SIN3A: variants seen among roughly 807,000 people sequenced by gnomAD.
SIN3A encodes the protein paired amphipathic helix protein Sin3a.
Under a neutral mutation model 146.1 loss-of-function variants are expected in SIN3A, and 14 were observed. The ratio of observed to expected loss-of-function variants is 0.10; its 90% CI spans 0.06 to 0.15. SIN3A has a LOEUF of 0.15. Ranked by LOEUF, SIN3A falls within the 10% of genes least tolerant of loss-of-function variation. The pLI, the probability that SIN3A is intolerant of heterozygous loss-of-function variation, is 1.00. For missense variants in SIN3A, 1,028 were observed against 1,576.0 expected, an observed-to-expected ratio of 0.65 and a Z score of 5.89; for synonymous variants, 572 against 572.0, an observed-to-expected ratio of 1.00 and a Z score of 0.00.
intron 20 of SIN3A, among the ~76,000 whole-genome samples, chr15:75,374,166 T>C (rs2072810377): frequency 6.6e-6 from 1 of 152,160 alleles, no homozygotes; most frequent in Non-Finnish European, 1.5e-5. Flanking sequence ...ACCCCCACAT[T>C]TGATCCAACA....
intron 15 of SIN3A, among the ~76,000 whole-genome samples, chr15:75,390,388 C>T (rs1041750061): frequency 2.0e-5 from 3 of 152,194 alleles, no homozygotes; most frequent in East Asian, 3.8e-4. Flanking sequence ...AAAATGGATT[C>T]GCTACGTTGT....
chr15:75,383,603 A>T (rs2073021429), intron 17 of SIN3A, among the ~76,000 whole-genome samples: 1 of 149,846 alleles, frequency 6.7e-6, no homozygotes, highest in Admixed American at 6.7e-5. Flanking sequence ...ATCTCAGCTT[A>T]CTGCAAGCTC....
intron 1 of SIN3A, among the ~76,000 whole-genome samples, chr15:75,437,774 G>C (rs2074131938): frequency 1.3e-5 from 2 of 152,044 alleles, no homozygotes; most frequent in South Asian, 4.1e-4. Flanking sequence ...CAGAACTCTA[G>C]TCTAGGAAGA....
intron 17 of SIN3A, 42 bp from the exon 18 acceptor site, chr15:75,381,747 G>A: frequency 6.8e-7 from 1 of 1,477,090 alleles, no homozygotes; most frequent in South Asian, 1.1e-5. Context: ...GACCGTCTCT[G>A]TAGCTGTAAT....
chr15:75,433,129 A>G (rs1699263167), intron 1 of SIN3A, among the ~76,000 whole-genome samples: 1 of 152,194 alleles, frequency 6.6e-6, no homozygotes, highest in Admixed American at 6.5e-5. Flanking sequence ...ACACTAGAGT[A>G]CCTTTTAAGA....
upstream of SIN3A, among the ~76,000 whole-genome samples, chr15:75,454,125 T>TCA (rs1307830704): frequency 6.6e-6 from 1 of 151,312 alleles, no homozygotes; most frequent in Non-Finnish European, 1.5e-5. Context: ...ACCTTGCGCC[T>TCA]CACGTCATCC....
intron 1 of SIN3A, among the ~76,000 whole-genome samples, chr15:75,447,895 C>T (rs1286141514): frequency 2.0e-5 from 3 of 152,076 alleles, no homozygotes; most frequent in South Asian, 4.1e-4. Context: ...CACCCATGAC[C>T]GGGCACGGTG....
upstream of SIN3A, chr15:75,453,465 G>A (rs559313652): frequency 1.9e-4 from 29 of 152,522 alleles, 1 homozygote; most frequent in African/African-American, 6.7e-4. Context: ...TCCACCACTA[G>A]ACTGAGTACC....
rs780124259 is a variant in SIN3A at position 75,411,683 on chromosome 15, C to T, written c.817G>A (p.Ala273Thr). The T allele has an allele frequency of 1.2e-6, 2 of 1,613,596 alleles. No individual in the cohort carries two copies. The highest frequency in any genetic ancestry group is 1.1e-5 in the South Asian group (1 of 90,996). ...SQQTPPLPPY[A>T]SPRSPPVQPH... Reference sequence around the variant, plus strand: ...TGGACCGGCGGAGAACGTGGGGATGCATACGGTGGAAGTGGGGGAGTCTGC... The same window carrying T: ...TGGACCGGCGGAGAACGTGGGGATGTATACGGTGGAAGTGGGGGAGTCTGC... Residue 273 changes from alanine (A) to threonine (T), a missense_variant, in exon 6 of 21, where the codon GCA becomes ACA. Coordinates refer to ENST00000394947, the MANE Select transcript of SIN3A (RefSeq NM_001145358.2).
At chr15:75,400,292 GT>G in intron 11 of SIN3A, 136 bp from the exon 12 acceptor site, 1 of 590,324 alleles carries the variant, frequency 1.7e-6, no homozygotes, top group Non-Finnish European at 3.0e-6. Context: ...CCTTTAGCAA[GT>G]TTACAAAAAG....
At chr15:75,379,724 A>G (rs1259077978) in intron 19 of SIN3A, among the ~76,000 whole-genome samples, 1 of 152,200 alleles carries the variant, frequency 6.6e-6, no homozygotes, top group Non-Finnish European at 1.5e-5. Flanking sequence ...AAGACATAAG[A>G]TTTCAATTCA....
chr15:75,421,458 A>G (rs932929428), intron 3 of SIN3A: 2 of 152,230 alleles, frequency 1.3e-5, no homozygotes, highest in African/African-American at 4.8e-5. Context: ...ATTACTCTAA[A>G]TCACATAGCT....
Position 75,396,376 on chromosome 15 carries a change from C to G in SIN3A, c.1975G>C (p.Gly659Arg). Residue 659 changes from glycine (G) to arginine (R), a missense_variant, in exon 13 of 21, where the codon GGC (glycine) becomes CGC (arginine). Around this residue, in one of 9 missense-constraint regions of SIN3A, gnomAD observed 157 missense variants for 284.8 expected, o/e 0.55. Coordinates refer to ENST00000394947, the MANE Select transcript of SIN3A (RefSeq NM_001145358.2). ...AKFRLDNTLG[G>R]TSEVIHRKAL... ...TTTCTATGGATGACTTCTGATGTGC[C>G]CCCAAGGGTGTTGTCCAAGCGAAAT... The G allele has an allele frequency of 6.2e-7, 1 of 1,614,106 alleles. No homozygotes were observed. Among genetic ancestry groups the G allele is most frequent in the Non-Finnish European group, 8.5e-7 (1 of 1,180,008 alleles).
At chr15:75,431,602 T>C (rs1012726358) in intron 1 of SIN3A, among the ~76,000 whole-genome samples, 3 of 151,822 alleles carry the variant, frequency 2.0e-5, no homozygotes, top group African/African-American at 4.8e-5. Context: ...TTTACAGTAA[T>C]AGTGGGAGAT....
chr15:75,413,488 C>T (rs964215272), intron 4 of SIN3A, among the ~76,000 whole-genome samples: 9 of 151,854 alleles, frequency 5.9e-5, no homozygotes, highest in African/African-American at 1.5e-4. Context: ...AATTAACACA[C>T]GAACTCTGAA....
chr15:75,400,178 C>T, intron 11 of SIN3A, 22 bp from the exon 12 acceptor site: 2 of 1,385,312 alleles, frequency 1.4e-6, no homozygotes, highest in Non-Finnish European at 2.0e-6. Flanking sequence ...AGAAGAGAGA[C>T]TGAAACAAAA....
chr15:75,417,436 C>T (rs2073760964), intron 3 of SIN3A, among the ~76,000 whole-genome samples: 1 of 150,004 alleles, frequency 6.7e-6, no homozygotes, highest in Non-Finnish European at 1.5e-5. Context: ...AGTGCAATGG[C>T]GCAATCTCGG....
intron 16 of SIN3A, among the ~76,000 whole-genome samples, chr15:75,384,694 A>G (rs906506050): frequency 1.3e-5 from 2 of 152,212 alleles, no homozygotes; most frequent in Non-Finnish European, 2.9e-5. Context: ...TAAGAACCAT[A>G]GAGAACTCAG....
chr15:75,413,300 T>C (rs2141500957), intron 4 of SIN3A, among the ~76,000 whole-genome samples: 1 of 151,746 alleles, frequency 6.6e-6, no homozygotes, highest in Middle Eastern at 3.4e-3. Flanking sequence ...TTTGTATTTT[T>C]AGGACAGGTG....
Sources: gnomAD v4.1 joint callset for allele counts (sites outside exome capture counted in the v4.1 genomes callset) on GRCh38, gnomAD v4.1.1 for gene constraint, gnomAD v4.1.1 regional missense constraint, MANE v1.5 for transcripts, NCBI Gene and HGNC (gene_info 2026-07-23, HGNC 2026-07-21) for gene names.